PTPRD: variants seen among roughly 807,000 people sequenced by gnomAD.
The protein encoded by PTPRD is receptor-type tyrosine-protein phosphatase delta.
PTPRD carries 34 observed loss-of-function variants against 214.5 expected under a neutral mutation model. That is an observed-to-expected ratio of 0.16 (90% CI 0.12 to 0.21). The LOEUF (loss-of-function observed/expected upper bound fraction) is 0.21, where lower values mean the gene tolerates loss of function less well. Ranked by LOEUF, PTPRD falls within the 10% of genes least tolerant of loss-of-function variation. The pLI is 1.00. For synonymous variants in PTPRD, 1,128 were observed against 845.7 expected, an observed-to-expected ratio of 1.33 and a Z score of -5.79; for missense variants, 2,545 against 2,398.7, an observed-to-expected ratio of 1.06 and a Z score of -1.27.
At chr9:8,572,947 G>A (rs1014296621) in intron 14 of PTPRD, among the ~76,000 whole-genome samples, 2 of 151,832 alleles carry the variant, frequency 1.3e-5, no homozygotes, top group Admixed American at 6.6e-5. Flanking sequence ...AATATTCAAC[G>A]TTGTTGATAT....
At chr9:9,736,024 A>G (rs2098287288) in intron 6 of PTPRD, among the ~76,000 whole-genome samples, 1 of 152,136 alleles carries the variant, frequency 6.6e-6, no homozygotes, top group African/African-American at 2.4e-5. Flanking sequence ...GTAAGTGTAT[A>G]TGTATATACA....
At chr9:9,576,423 T>G (rs2088825465) in intron 7 of PTPRD, among the ~76,000 whole-genome samples, 1 of 152,148 alleles carries the variant, frequency 6.6e-6, no homozygotes, top group Non-Finnish European at 1.5e-5. Context: ...ACAGTATCAC[T>G]TTCTGCTTTC....
chr9:8,735,855 T>C (rs992128970), intron 11 of PTPRD, among the ~76,000 whole-genome samples: 15 of 144,322 alleles, frequency 1.0e-4, no homozygotes, highest in African/African-American at 3.9e-4. Flanking sequence ...GAGGTTTTGG[T>C]GAGCCAAGGT....
intron 2 of PTPRD, among the ~76,000 whole-genome samples, chr9:10,606,176 T>C (rs1285036319): frequency 2.0e-5 from 3 of 151,758 alleles, no homozygotes; most frequent in Admixed American, 6.6e-5. Context: ...AGTGACAAGA[T>C]AAAAGTGTGA....
At chr9:8,792,106 C>T (rs1016418580) in intron 11 of PTPRD, among the ~76,000 whole-genome samples, 7 of 152,118 alleles carry the variant, frequency 4.6e-5, no homozygotes, top group African/African-American at 1.4e-4. Flanking sequence ...AAAATGACCT[C>T]GTCAAATAAC....
intron 2 of PTPRD, among the ~76,000 whole-genome samples, chr9:10,447,437 C>T (rs1354082689): frequency 6.6e-6 from 1 of 151,964 alleles, no homozygotes; most frequent in Non-Finnish European, 1.5e-5. Context: ...TCTCTGAACA[C>T]TCTGGCTTTT....
chr9:9,365,969 T>G (rs965332920), intron 9 of PTPRD, among the ~76,000 whole-genome samples: 5 of 151,554 alleles, frequency 3.3e-5, no homozygotes, highest in African/African-American at 9.7e-5. Context: ...CATGGATCTT[T>G]GCAGATATTA....
intron 3 of PTPRD, among the ~76,000 whole-genome samples, chr9:10,170,340 A>G (rs1042287506): frequency 1.4e-4 from 22 of 152,212 alleles, no homozygotes; most frequent in African/African-American, 5.1e-4. Flanking sequence ...TTTATATTAG[A>G]GGACTCTCAA....
At chr9:9,547,800 A>G (rs2079152190) in intron 8 of PTPRD, among the ~76,000 whole-genome samples, 1 of 151,200 alleles carries the variant, frequency 6.6e-6, no homozygotes, top group Non-Finnish European at 1.5e-5. Flanking sequence ...ACAAATTCAC[A>G]CACACACACA....
intron 10 of PTPRD, among the ~76,000 whole-genome samples, chr9:9,091,850 C>G (rs1176153559): frequency 1.3e-5 from 2 of 152,198 alleles, no homozygotes; most frequent in Admixed American, 1.3e-4. Context: ...TACCATCATG[C>G]TTAAAACTCA....
At chr9:10,004,132 T>C (rs1386791971) in intron 4 of PTPRD, among the ~76,000 whole-genome samples, 1 of 151,796 alleles carries the variant, frequency 6.6e-6, no homozygotes, top group African/African-American at 2.4e-5. Flanking sequence ...AAAAGAAATA[T>C]ATAGCCCCTG....
At chr9:9,920,197 T>C (rs2082163759) in intron 5 of PTPRD, among the ~76,000 whole-genome samples, 1 of 152,112 alleles carries the variant, frequency 6.6e-6, no homozygotes. Context: ...TGTGCAAACG[T>C]TGAAGGATAT....
chr9:10,378,716 T>C (rs982442790), intron 2 of PTPRD, among the ~76,000 whole-genome samples: 2 of 152,046 alleles, frequency 1.3e-5, no homozygotes, highest in African/African-American at 2.4e-5. Flanking sequence ...TTGGTTAGTA[T>C]AGCTGTGTAT....
At chr9:9,827,920 C>T (rs1441118752) in intron 5 of PTPRD, among the ~76,000 whole-genome samples, 1 of 152,068 alleles carries the variant, frequency 6.6e-6, no homozygotes, top group Admixed American at 6.6e-5. Flanking sequence ...TCATCACTGG[C>T]CATCAGAGAA....
intron 32 of PTPRD, among the ~76,000 whole-genome samples, chr9:8,463,226 G>C (rs1290642168): frequency 1.4e-5 from 2 of 139,316 alleles, no homozygotes; most frequent in East Asian, 4.5e-4. Flanking sequence ...CCAGGAAAGA[G>C]ACTGACTAGA....
chr9:9,490,004 G>A (rs936399512), intron 8 of PTPRD, among the ~76,000 whole-genome samples: 9 of 151,998 alleles, frequency 5.9e-5, no homozygotes, highest in African/African-American at 2.2e-4. Context: ...CTTAAAAGGA[G>A]CAAGAGAAAA....
chr9:8,959,548 T>C (rs990134715), intron 11 of PTPRD, among the ~76,000 whole-genome samples: 2 of 151,968 alleles, frequency 1.3e-5, no homozygotes, highest in Non-Finnish European at 2.9e-5. Context: ...TTGGGCTTCA[T>C]CCAAAGTCTT....
intron 10 of PTPRD, among the ~76,000 whole-genome samples, chr9:9,127,952 T>C (rs1449420375): frequency 6.6e-6 from 1 of 152,216 alleles, no homozygotes; most frequent in Non-Finnish European, 1.5e-5. Context: ...AAGCTCTCTG[T>C]CCTCCTACTT....
At chr9:9,258,731 C>T (rs973192121) in intron 9 of PTPRD, among the ~76,000 whole-genome samples, 24 of 151,832 alleles carry the variant, frequency 1.6e-4, no homozygotes, top group Non-Finnish European at 3.1e-4. Flanking sequence ...TTACATTATA[C>T]AGCAGCATTC....
Sources: allele counts gnomAD v4.1 joint callset (sites outside exome capture counted in the v4.1 genomes callset), GRCh38; gene constraint gnomAD v4.1.1; transcripts MANE v1.5; gene names NCBI Gene and HGNC (gene_info 2026-07-23, HGNC 2026-07-21).